The following PLCB3 variants were observed in gnomAD, a reference collection of about 807,000 sequenced individuals.
The protein encoded by PLCB3 is 1-phosphatidylinositol 4,5-bisphosphate phosphodiesterase beta-3.
In PLCB3, 54 loss-of-function variants were observed where a neutral mutation model predicts 152.1. The ratio of observed to expected loss-of-function variants is 0.36; its 90% confidence interval spans 0.29 to 0.45. The LOEUF (loss-of-function observed/expected upper bound fraction) is 0.45. PLCB3 is among the 20% of genes least tolerant of loss of function. PLCB3 has a pLI of 1.00. For synonymous variants in PLCB3, 717 were observed against 698.7 expected (o/e 1.03, Z -0.41); for missense variants, 1,248 against 1,687.5 (o/e 0.74, Z 4.56).
At position 64,266,469 on chromosome 11, in the gene PLCB3, A is replaced by G. The variant is rs754669239; in HGVS notation, c.3357-26A>G. ...AGGCAGGGCAGGTGTCTGGGCCCCG[A>G]GCCATCCTGCGTTGCTCCCGTGCAG... On this transcript the variant is annotated intron_variant, in intron 28 of 30. Coordinates refer to ENST00000279230, the MANE Select transcript of PLCB3 (RefSeq NM_000932.5). This position sits in a 1 kb window ranked among gnomAD's most constrained non-coding sequence, Gnocchi z 4.9. 5.2e-5 allele frequency: 84 copies of G among 1,611,440 alleles called. No individual in the cohort carries two copies. In the South Asian group the frequency reaches 9.1e-4, roughly 17 times the overall value.
chr11:64,263,851 AC>A, intron 21 of PLCB3, 56 bp downstream of exon 21: 1 of 1,453,338 alleles, frequency 6.9e-7, no homozygotes, highest in Non-Finnish European at 9.6e-7. Context: ...GACAAGGGCC[AC>A]CCCCAGGGCC....
intron 2 of PLCB3, 91 bp downstream of exon 2, chr11:64,254,583 C>T: frequency 2.2e-6 from 3 of 1,394,576 alleles, no homozygotes; most frequent in Non-Finnish European, 3.0e-6. Context: ...CGGCTGCAGG[C>T]TGACCTCTCC....
At chr11:64,265,616 G>A (rs2032080384) in intron 25 of PLCB3, 114 bp downstream of exon 25, 6 of 1,452,014 alleles carry the variant, frequency 4.1e-6, no homozygotes, top group Non-Finnish European at 5.5e-6. Flanking sequence ...AGGGAGGAGG[G>A]TTCAGTGCAA....
intron 1 of PLCB3, 76 bp from the exon 2 acceptor site, chr11:64,254,339 G>T: frequency 8.2e-7 from 1 of 1,216,212 alleles, no homozygotes; most frequent in Non-Finnish European, 1.2e-6. Flanking sequence ...TGGGGTGCAT[G>T]ATGGGAGGGC....
At position 64,267,223 on chromosome 11, in the gene PLCB3, G is replaced by A; in HGVS notation, c.3453G>A (p.Val1151=). 6.4e-7 allele frequency: 1 copy of A among 1,550,426 alleles called. No homozygotes were observed. The highest frequency in any genetic ancestry group is 8.7e-7 in the Non-Finnish European group (1 of 1,146,984). Residue 1151 remains valine (V), a synonymous_variant, in exon 30 of 31, where the codon GTG becomes GTA. Coordinates refer to ENST00000279230, the MANE Select transcript of PLCB3 (RefSeq NM_000932.5). The surrounding 1 kb of genome is among the most constrained non-coding windows in gnomAD (Gnocchi z 5.2). The stretch of plus-strand genomic sequence containing the variant: ...AGAAGCAGCGGCATGACCGTCTTGT[G>A]GCTGGGCAGCAGCAGGTCCTGCAAC... ...EAQKQRHDRL[V]AGQQQVLQQL... is the part of the protein sequence containing the mutation.
In PLCB3 at chr11:64,258,534, C is replaced by T. The variant is rs910387920; in HGVS notation, c.1074C>T (p.Cys358=). 3.7e-6 allele frequency: 6 copies of T among 1,613,704 alleles called. No individual in the cohort carries two copies. The African/African-American group carries it at 6.7e-5, about 18-fold the overall frequency. The part of the protein sequence containing the change: ...EMYRQALLWG[C]RCVELDVWKG... ...ACCGCCAGGCACTACTATGGGGCTG[C>T]CGCTGCGTGGAGCTGGACGTGTGGA... The change falls in exon 11 of 31, where the codon TGC becomes TGT. Residue 358 remains cysteine (C), a synonymous_variant. Transcript: ENST00000279230. This position sits in a 1 kb window ranked among gnomAD's most constrained non-coding sequence, Gnocchi z 7.2.
chr11:64,265,219 T>C lies in PLCB3; in HGVS notation c.2834T>C (p.Ile945Thr). 6.3e-7 allele frequency: 1 copy of C among 1,599,674 alleles called. No individual in the cohort carries two copies. The highest frequency in any genetic ancestry group is 8.5e-7 in the Non-Finnish European group (1 of 1,172,570). ...CAGCGTGATGATCTCATCGCCAGCA[T>C]CCTCTCAGGTAGGGGGCGGGGTACC... ...PGQRDDLIAS[I>T]LSEVAPTPLD... is the part of the protein sequence containing the mutation. The change falls in exon 24 of 31, where the codon ATC (isoleucine) becomes ACC (threonine). Residue 945 changes from isoleucine (I) to threonine (T), a missense_variant. Around this residue, in one of 6 missense-constraint regions of PLCB3, gnomAD observed 477 missense variants for 489.6 expected, o/e 0.97. Coordinates refer to ENST00000279230, the MANE Select transcript of PLCB3 (RefSeq NM_000932.5).
chr11:64,264,858 C>T, intron 22 of PLCB3, 93 bp from the exon 23 acceptor site: 7 of 1,224,542 alleles, frequency 5.7e-6, no homozygotes, highest in Non-Finnish European at 8.4e-6. Flanking sequence ...GGGAGGCTGA[C>T]AGGGGTGCTA....
chr11:64,268,951 TCA>T (rs2032284482), downstream of PLCB3: 1 of 152,230 alleles, frequency 6.6e-6, no homozygotes, highest in African/African-American at 2.4e-5. Flanking sequence ...CCAGACTTCC[TCA>T]CTTCTTCTGT....
chr11:64,267,061 T>G lies in PLCB3; in HGVS notation c.3415-124T>G, dbSNP rs1303708848. ...CGCCCGCCTTGGCCTCCCAAAGTGC[T>G]GGGATTATAGATGTGAGCCACTGCA... On this transcript the variant is annotated intron_variant, in intron 29 of 30. Coordinates refer to ENST00000279230, the MANE Select transcript of PLCB3 (RefSeq NM_000932.5). This position sits in a 1 kb window ranked among gnomAD's most constrained non-coding sequence, Gnocchi z 5.2. 1.0e-5 allele frequency: 8 copies of G among 793,354 alleles called. No homozygotes were observed. Among genetic ancestry groups the G allele is most frequent in the Non-Finnish European group, 1.7e-5 (8 of 480,552 alleles). The allele number at this position is 793,354 out of a possible 1,614,324, so 49.1% of individuals were successfully genotyped here. A position where few individuals can be genotyped will look rare whatever the true frequency, so the allele number is the denominator to read the frequency against.
chr11:64,252,403 C>G (rs536658340), intron 1 of PLCB3, among the ~76,000 whole-genome samples: 1 of 152,154 alleles, frequency 6.6e-6, no homozygotes, highest in African/African-American at 2.4e-5. Flanking sequence ...CATCCTGGCC[C>G]CCCTTTCCCT....
At chr11:64,261,710 C>T in intron 16 of PLCB3, 45 bp downstream of exon 16, 1 of 1,556,264 alleles carries the variant, frequency 6.4e-7, no homozygotes, top group Admixed American at 1.7e-5. Context: ...GGGTGGGGCG[C>T]TCGGAGGCCG....
In PLCB3 at chr11:64,255,433, C is replaced by A; in HGVS notation, c.505C>A (p.Arg169=). The A allele has an allele frequency of 1.2e-6, 2 of 1,614,146 alleles. No individual in the cohort carries two copies. The highest frequency in any genetic ancestry group is 1.7e-6 in the Non-Finnish European group (2 of 1,180,002). Residue 169 remains arginine, a synonymous_variant, in exon 6 of 31, where the codon CGG becomes AGG. Transcript: ENST00000279230. The surrounding 1 kb of genome is among the most constrained non-coding windows in gnomAD (Gnocchi z 6.8). ...KLKLQVNQDG[R]IPVKNILKMF... ...GAAGCTGCAGGTGAACCAGGATGGTCGGATCCCCGTCAAGAAGTGAGCACC... is the reference window on the plus strand; with the variant it reads ...GAAGCTGCAGGTGAACCAGGATGGTAGGATCCCCGTCAAGAAGTGAGCACC...
At position 64,258,468 on chromosome 11, in the gene PLCB3, C is replaced by T; in HGVS notation, c.1013-5C>T. On this transcript the variant is annotated splice_polypyrimidine_tract_variant and splice_region_variant and intron_variant, in intron 10 of 30. Transcript: ENST00000279230. This position sits in a 1 kb window ranked among gnomAD's most constrained non-coding sequence, Gnocchi z 7.2. The stretch of plus-strand genomic sequence containing the variant: ...GGCCTCGGTGACAGAGCCTCGCCGC[C>T]CCAGCGGGGCAGCTGGCTGGGACCT... 6.2e-7 allele frequency: 1 copy of T among 1,611,434 alleles called. No individual in the cohort carries two copies. The highest frequency in any genetic ancestry group is 8.5e-7 in the Non-Finnish European group (1 of 1,178,944).
rs1301364795 is a variant in PLCB3 at position 64,262,485 on chromosome 11, G to A, written c.2117G>A (p.Arg706Gln). The A allele has an allele frequency of 1.9e-6, 3 of 1,613,998 alleles. No homozygotes were observed. Among genetic ancestry groups the A allele is most frequent in the Non-Finnish European group, 2.5e-6 (3 of 1,180,022 alleles). Residue 706 changes from arginine to glutamine, a missense_variant, in exon 18 of 31, where the codon CGG becomes CAG. Physicochemically the swap from Arg to Gln is conservative, Grantham distance 43. This residue lies in a region of PLCB3 where 244 missense variants were observed against 424.4 expected (regional missense o/e 0.57). Coordinates refer to ENST00000279230, the MANE Select transcript of PLCB3 (RefSeq NM_000932.5). Reference protein sequence around the residue: ...SGYLLKPEFMRRPDKSFDPFT... With the variant: ...SGYLLKPEFMQRPDKSFDPFT... ...TACCTGCTCAAGCCGGAGTTCATGC[G>A]GCGGCCGGACAAGTCCTTCGACCCC... is the stretch of plus-strand genomic sequence containing the variant.
rs10689916 is a variant in PLCB3, at chr11:64,260,772, CA to C, written c.1731+560del. Among the ~76,000 whole-genome samples the C allele has an allele frequency of 1.4e-3, 99 of 71,592 alleles. No homozygotes were observed. The South Asian group carries it at 0.022, about 16-fold the overall frequency. 47.0% of individuals were successfully genotyped at this position (71,592 alleles called of 152,430 possible). On this transcript the variant is annotated intron_variant, in intron 14 of 30. Transcript: ENST00000279230. ...TGGGCTAAAAAGGGAGACACTATCT[CA>C]AAAAAAAAAAAAAAAAAAAAAGACA...
chr11:64,255,650 G>A lies in PLCB3; in HGVS notation c.597+34G>A. 1 of 1,604,536 alleles carries A rather than the reference G, an allele frequency of 6.2e-7. No individual in the cohort carries two copies. The highest frequency in any genetic ancestry group is 8.5e-7 in the Non-Finnish European group (1 of 1,173,350). ...GGTGGGGACAGGGGCGGGGTGGGGTGTCACGGTGGGCACCCACCCTTACGG... is the reference window on the plus strand; with the variant it reads ...GGTGGGGACAGGGGCGGGGTGGGGTATCACGGTGGGCACCCACCCTTACGG... On this transcript the variant is annotated intron_variant, in intron 7 of 30. Coordinates refer to ENST00000279230, the MANE Select transcript of PLCB3 (RefSeq NM_000932.5). This position sits in a 1 kb window ranked among gnomAD's most constrained non-coding sequence, Gnocchi z 6.8.
At position 64,258,153 on chromosome 11, in the gene PLCB3, CAAA is replaced by C. The variant is rs34969821; in HGVS notation, c.1013-306_1013-304del. 2.1e-4 allele frequency among the ~76,000 whole-genome samples: 21 copies of C among 99,046 alleles called. No individual in the cohort carries two copies. The highest frequency in any genetic ancestry group is 2.3e-4 in the Non-Finnish European group (11 of 48,570). 65.0% of individuals were successfully genotyped at this position (99,046 alleles called of 152,430 possible). On this transcript the variant is annotated intron_variant, in intron 10 of 30. Transcript: ENST00000279230. This position sits in a 1 kb window ranked among gnomAD's most constrained non-coding sequence, Gnocchi z 7.2. ...TGGGTGACAGAGCGAGGTTCCGTCT[CAAA>C]AAAAAAAAAAAAAGAGATTGGATTG...
chr11:64,259,516 G>C (rs1350910596), intron 13 of PLCB3, among the ~76,000 whole-genome samples: 1 of 152,062 alleles, frequency 6.6e-6, no homozygotes, highest in African/African-American at 2.4e-5. Flanking sequence ...CCCGGTGATG[G>C]CTCTGAAGGC....
Sources: allele counts gnomAD v4.1 joint callset (sites outside exome capture counted in the v4.1 genomes callset), GRCh38; gene constraint gnomAD v4.1.1; regional missense constraint gnomAD v4.1.1; non-coding constraint Gnocchi (gnomAD v3.1); transcripts MANE v1.5; gene names NCBI Gene and HGNC (gene_info 2026-07-23, HGNC 2026-07-21).